Variants in ATP8B3 observed in about 807,000 individuals in gnomAD.
The protein encoded by ATP8B3 is phospholipid-transporting ATPase IK.
ATP8B3 carries 141 observed loss-of-function variants against 140.9 expected under a neutral mutation model. The observed-to-expected ratio is 1.00, with a 90% CI of 0.87 to 1.15. The LOEUF is 1.15. ATP8B3 is among the 50% of genes most tolerant of loss of function. The probability of loss-of-function intolerance (pLI) is 0.00; values close to 1 mark genes in which losing one functional copy is unlikely to be tolerated. For missense variants in ATP8B3, 1,874 were observed against 1,740.6 expected, an observed-to-expected ratio of 1.08 and a Z score of -1.36; for synonymous variants, 765 against 714.6, an observed-to-expected ratio of 1.07 and a Z score of -1.13.
chr19:1,804,175 A>C (rs10426792), intron 10 of ATP8B3, among the ~76,000 whole-genome samples: 41,142 of 152,082 alleles, frequency 0.27, 6,154 homozygotes, highest in East Asian at 0.59. Context: ...ATCACGTGTG[A>C]AACATCTCCA....
Position 1,811,766 on chromosome 19 carries a change from G to A in ATP8B3, c.-30C>T, listed in dbSNP as rs1422304429. 6.4e-7 allele frequency: 1 copy of A among 1,555,494 alleles called. No homozygotes were observed. Among genetic ancestry groups the A allele is most frequent in the South Asian group, 1.2e-5 (1 of 83,428 alleles). ...CGCATGAGGAAAAGGGAGGTTCAGG[G>A]CGAAGAGGGGTTTAGGCTGTGGGAC... On this transcript the variant is annotated 5_prime_UTR_variant, in exon 2 of 29. Transcript: ENST00000310127.
chr19:1,810,142 A>G (rs1165918191), intron 3 of ATP8B3, among the ~76,000 whole-genome samples: 1 of 152,254 alleles, frequency 6.6e-6, no homozygotes, highest in Non-Finnish European at 1.5e-5. Context: ...TCCTGAGCCA[A>G]ATCCCCCAAA....
Position 1,790,942 on chromosome 19 carries a change from C to A in ATP8B3, c.2303-110G>T, listed in dbSNP as rs1213204787. 3.4e-6 allele frequency: 3 copies of A among 892,524 alleles called. No homozygotes were observed. In the East Asian group the frequency reaches 8.0e-5, roughly 24 times the overall value. The allele number at this position is 892,524 out of a possible 1,614,324, so 55.3% of individuals were successfully genotyped here. A position where few individuals can be genotyped will look rare whatever the true frequency, so the allele number is the denominator to read the frequency against. On this transcript the variant is annotated intron_variant, in intron 20 of 28. Transcript: ENST00000310127. ...TGGCCCGACCAATGGCAGCCACATG[C>A]CCCACCCCCTGGCCATGGTGATTGG...
chr19:1,784,960 G>T lies in ATP8B3; in HGVS notation c.3533-14C>A. ...TGAGGTCGGCATCTGGGGACAGGGC[G>T]GGGTCACAGCAGAGCCTACCCCCAG... is the stretch of plus-strand genomic sequence containing the variant. On this transcript the variant is annotated splice_polypyrimidine_tract_variant and intron_variant, in intron 27 of 28. Coordinates refer to ENST00000310127, the MANE Select transcript of ATP8B3 (RefSeq NM_138813.4). 6.2e-7 allele frequency: 1 copy of T among 1,601,464 alleles called. No homozygotes were observed. Among genetic ancestry groups the T allele is most frequent in the Non-Finnish European group, 8.5e-7 (1 of 1,174,116 alleles).
In ATP8B3 at chr19:1,798,333, C is replaced by T. The variant is rs547736163; in HGVS notation, c.1553-1328G>A. On this transcript the variant is annotated intron_variant, in intron 14 of 28. Transcript: ENST00000310127. ...ACGTGCCCTGGTTATAAATTAGACC[C>T]GGGGCTGTCAAACTACACCCCACCA... 3.3e-5 allele frequency among the ~76,000 whole-genome samples: 5 copies of T among 152,070 alleles called. No individual in the cohort carries two copies. In the South Asian group the frequency reaches 8.3e-4, roughly 25 times the overall value.
At chr19:1,798,565 T>C (rs900321447) in intron 14 of ATP8B3, among the ~76,000 whole-genome samples, 4 of 151,520 alleles carry the variant, frequency 2.6e-5, no homozygotes, top group African/African-American at 4.9e-5. Context: ...GGTGAAACCC[T>C]GTCTCTATTA....
intron 25 of ATP8B3, 106 bp from the exon 26 acceptor site, chr19:1,785,814 G>T: frequency 8.0e-7 from 1 of 1,252,094 alleles, no homozygotes; most frequent in Non-Finnish European, 1.1e-6. Flanking sequence ...CTCTGTGTGT[G>T]GCTCTTTGAG....
chr19:1,785,736 T>C (rs369382740), intron 25 of ATP8B3, 28 bp from the exon 26 acceptor site: 7 of 933,620 alleles, frequency 7.5e-6, no homozygotes, highest in Non-Finnish European at 9.3e-6. Flanking sequence ...CTCTTGGGAT[T>C]GGGTGGGGGG....
intron 11 of ATP8B3, 69 bp downstream of exon 11, chr19:1,802,418 C>CA: frequency 1.5e-6 from 1 of 664,276 alleles, no homozygotes; most frequent in Non-Finnish European, 2.4e-6. Context: ...CCCACCCACC[C>CA]ATCCCCACAT....
At chr19:1,786,921 G>A (rs961935867) in intron 25 of ATP8B3, among the ~76,000 whole-genome samples, 182 bp downstream of exon 25, 2 of 152,208 alleles carry the variant, frequency 1.3e-5, no homozygotes, top group African/African-American at 2.4e-5. Flanking sequence ...CGGGATGAGC[G>A]TAGGCTCCGG....
In ATP8B3 at chr19:1,785,649, G is replaced by A. The variant is rs187141822; in HGVS notation, c.3213C>T (p.Asp1071=). The A allele has an allele frequency of 8.1e-6, 13 of 1,613,014 alleles. No homozygotes were observed. The highest frequency in any genetic ancestry group is 5.0e-5 in the Admixed American group (3 of 59,974). Residue 1071 remains aspartate (D), a synonymous_variant, in exon 26 of 29, where the codon GAC becomes GAT. Coordinates refer to ENST00000310127, the MANE Select transcript of ATP8B3 (RefSeq NM_138813.4). ...KPELYVVGQK[D]ELFNYWVFVQ... is the part of the protein sequence containing the mutation. ...CGAAGACCCAGTAGTTGAAGAGCTC[G>A]TCCTTCTGCCCCACCACGTACAGCT...
intron 11 of ATP8B3, 78 bp from the exon 12 acceptor site, chr19:1,802,122 C>CT: frequency 1.0e-6 from 1 of 997,174 alleles, no homozygotes; most frequent in Non-Finnish European, 1.4e-6. Context: ...CCCATCCACC[C>CT]ACTCCCCCAC....
At chr19:1,801,123 C>T (rs1370202392) in intron 12 of ATP8B3, among the ~76,000 whole-genome samples, 3 of 151,706 alleles carry the variant, frequency 2.0e-5, no homozygotes, top group Non-Finnish European at 4.4e-5. Flanking sequence ...CCACTGCACC[C>T]AGCCGAAAAA....
At chr19:1,802,428 T>G (rs1028594143) in intron 11 of ATP8B3, 59 bp downstream of exon 11, 6 of 310,646 alleles carry the variant, frequency 1.9e-5, no homozygotes, top group Non-Finnish European at 3.2e-5. Flanking sequence ...CATCCCCACA[T>G]CCATCTACCA....
chr19:1,787,162 C>T lies in ATP8B3; in HGVS notation c.3094G>A (p.Ala1032Thr), dbSNP rs2068332107. The T allele has an allele frequency of 6.2e-7, 1 of 1,610,612 alleles. No individual in the cohort carries two copies. Among genetic ancestry groups the T allele is most frequent in the East Asian group, 2.2e-5 (1 of 44,812 alleles). Residue 1032 changes from alanine (A) to threonine (T), a missense_variant, in exon 25 of 29, where the codon GCT (alanine) becomes ACT (threonine). Physicochemically the swap from Ala to Thr is moderately conservative, Grantham distance 58. Coordinates refer to ENST00000310127, the MANE Select transcript of ATP8B3 (RefSeq NM_138813.4). ...GTGCTGTACAGGAGGTTGAAAAGAGCCAGGAACCATCCTTCATACAGGGGC... is the reference window on the plus strand; with the variant it reads ...GTGCTGTACAGGAGGTTGAAAAGAGTCAGGAACCATCCTTCATACAGGGGC... ...GQPLYEGWFL[A>T]LFNLLYSTLP...
rs1183773507 is a variant in ATP8B3 at position 1,807,900 on chromosome 19, G to A, written c.516+322C>T. Among the ~76,000 whole-genome samples, 2 of 152,242 alleles carry A rather than the reference G, an allele frequency of 1.3e-5. No individual in the cohort carries two copies. The highest frequency in any genetic ancestry group is 2.1e-4 in the South Asian group (1 of 4,836). On this transcript the variant is annotated intron_variant, in intron 5 of 28. Transcript: ENST00000310127. The surrounding 1 kb of genome is among the most constrained non-coding windows in gnomAD (Gnocchi z 5.9). The stretch of plus-strand genomic sequence containing the variant: ...GCCTCTGAGGTCAGCTGGGAGGGCG[G>A]GGGCCAGGGGAGCTGCGTGGCCGAG...
chr19:1,799,755 ACT>A, intron 14 of ATP8B3, 190 bp downstream of exon 14: 2 of 611,486 alleles, frequency 3.3e-6, no homozygotes, highest in East Asian at 5.5e-5. Flanking sequence ...ACAGAGTGAG[ACT>A]CTGCCTCAAA....
At chr19:1,792,821 G>A (rs1407929043) in intron 18 of ATP8B3, among the ~76,000 whole-genome samples, 1 of 150,504 alleles carries the variant, frequency 6.6e-6, no homozygotes, top group Non-Finnish European at 1.5e-5. Context: ...AGGCTGAGGT[G>A]GGAGGATCCC....
rs1225130522 is a variant in ATP8B3 at position 1,811,578 on chromosome 19, C to A, written c.159G>T (p.Gly53=). The change falls in exon 2 of 29, where the codon GGG becomes GGT. Residue 53 remains glycine (G), a synonymous_variant. Coordinates refer to ENST00000310127, the MANE Select transcript of ATP8B3 (RefSeq NM_138813.4). ...CCCCTCTGCCTGGGGAGTCTCCCAT[C>A]CCAGCTCTGATCACCGTCTCACCTC... ...IRGGETVIRA[G]MGDSPGRGAP... is the part of the protein sequence containing the mutation. 1 of 1,612,428 alleles carries A rather than the reference C, an allele frequency of 6.2e-7. No individual in the cohort carries two copies. The highest frequency in any genetic ancestry group is 8.5e-7 in the Non-Finnish European group (1 of 1,179,836).
Sources: allele counts gnomAD v4.1 joint callset (sites outside exome capture counted in the v4.1 genomes callset), GRCh38; gene constraint gnomAD v4.1.1; non-coding constraint Gnocchi (gnomAD v3.1); transcripts MANE v1.5; gene names NCBI Gene and HGNC (gene_info 2026-07-23, HGNC 2026-07-21).